The following POLR2F variants were observed in gnomAD, a reference collection of about 807,000 sequenced individuals.
POLR2F encodes the protein DNA-directed RNA polymerases I, II, and III subunit RPABC2.
Under a neutral mutation model 22.7 loss-of-function variants are expected in POLR2F, and 12 were observed. The ratio of observed to expected loss-of-function variants is 0.53; its 90% CI spans 0.34 to 0.86. The LOEUF (loss-of-function observed/expected upper bound fraction) is 0.86. POLR2F is among the 40% of genes least tolerant of loss of function. The probability of loss-of-function intolerance (pLI) is 0.02; values close to 1 mark genes in which losing one functional copy is unlikely to be tolerated. For synonymous variants in POLR2F, 57 were observed against 66.0 expected (o/e 0.86, Z 0.66); for missense variants, 126 against 171.5 (o/e 0.73, Z 1.48).
At chr22:37,972,234 T>C (rs1932081529), downstream of POLR2F, 1 of 1,301,054 alleles carries the variant, frequency 7.7e-7, no homozygotes, top group Admixed American at 2.3e-5. Context: ...TCCTAGCTAC[T>C]TCCAGAAAGC....
At chr22:37,977,005 TA>T (rs973563932) in intron 4 of POLR2F, among the ~76,000 whole-genome samples, 2 of 151,660 alleles carry the variant, frequency 1.3e-5, no homozygotes, top group Admixed American at 6.6e-5. Context: ...CTGTCTCTGC[TA>T]AAATACACAA....
downstream of POLR2F, among the ~76,000 whole-genome samples, chr22:37,971,450 T>C (rs1243151715): frequency 6.6e-6 from 1 of 152,194 alleles, no homozygotes; most frequent in Non-Finnish European, 1.5e-5. Context: ...TGTTCATCAG[T>C]GGAGCAAGAT....
At chr22:38,037,661 C>T (rs2085129782) in intron 5 of POLR2F, among the ~76,000 whole-genome samples, 1 of 151,076 alleles carries the variant, frequency 6.6e-6, no homozygotes, top group Non-Finnish European at 1.5e-5. Flanking sequence ...GGCACCATCT[C>T]AGCTCACTGC....
chr22:37,960,546 C>T (rs1251242382), intron 3 of POLR2F, among the ~76,000 whole-genome samples: 2 of 152,092 alleles, frequency 1.3e-5, no homozygotes, highest in East Asian at 1.9e-4. Context: ...TACAGGCGCC[C>T]GCCACCGTGC....
intron 1 of POLR2F, among the ~76,000 whole-genome samples, chr22:38,025,391 A>G (rs1339293747): frequency 6.6e-6 from 1 of 152,078 alleles, no homozygotes; most frequent in Non-Finnish European, 1.5e-5. Flanking sequence ...CACAATCACA[A>G]TACACATGCA....
downstream of POLR2F, chr22:37,973,572 G>A (rs767871191): frequency 1.2e-6 from 2 of 1,612,808 alleles, no homozygotes; most frequent in East Asian, 4.5e-5. Context: ...GAGGGGCTGG[G>A]GTCAGAGATG....
intron 5 of POLR2F, among the ~76,000 whole-genome samples, chr22:38,038,793 C>G (rs1275764093): frequency 2.0e-5 from 3 of 151,798 alleles, no homozygotes; most frequent in South Asian, 2.1e-4. Context: ...CTCCTCCCCC[C>G]GCCGGCGCCC....
intron 1 of POLR2F, among the ~76,000 whole-genome samples, chr22:38,022,843 T>C (rs2084972514): frequency 6.6e-6 from 1 of 151,802 alleles, no homozygotes; most frequent in African/African-American, 2.4e-5. Context: ...CGAAACCCTG[T>C]CTCTACTAAA....
chr22:37,994,135 C>T (rs377354847), intron 1 of POLR2F, among the ~76,000 whole-genome samples: 3 of 152,278 alleles, frequency 2.0e-5, no homozygotes, highest in African/African-American at 7.2e-5. Context: ...TAATCAAGCC[C>T]GGGAAAACCT....
At chr22:37,995,069 A>T (rs2145792629) in intron 1 of POLR2F, among the ~76,000 whole-genome samples, 1 of 152,116 alleles carries the variant, frequency 6.6e-6, no homozygotes, top group East Asian at 1.9e-4. Flanking sequence ...GCTGCTTCCG[A>T]CTCTGCCAAG....
At chr22:38,041,096 G>A (rs557222469) in exon 6 of POLR2F, 53 of 1,612,870 alleles carry the variant, frequency 3.3e-5, no homozygotes, top group Middle Eastern at 1.7e-4. Context: ...GGAGTGACTC[G>A]CCTGAAGCCC....
chr22:38,032,365 G>C (rs561652485), intron 5 of POLR2F: 1 of 152,470 alleles, frequency 6.6e-6, no homozygotes, highest in African/African-American at 2.4e-5. Flanking sequence ...CATCTTCCCA[G>C]GAGAGCTCTG....
At chr22:38,025,897 C>T (rs2085004523) in exon 2 of POLR2F, 1 of 801,388 alleles carries the variant, frequency 1.2e-6, no homozygotes, top group Non-Finnish European at 2.2e-6. Context: ...TCCCTCCTGT[C>T]TTCTACATGG....
chr22:38,022,983 C>A (rs1350065450), intron 1 of POLR2F, among the ~76,000 whole-genome samples: 1 of 152,212 alleles, frequency 6.6e-6, no homozygotes, highest in Non-Finnish European at 1.5e-5. Flanking sequence ...TGCACTCCAG[C>A]CTGGGCGACA....
intron 3 of POLR2F, among the ~76,000 whole-genome samples, chr22:37,965,562 A>G (rs3026638): frequency 1.9e-3 from 294 of 152,380 alleles, no homozygotes; most frequent in African/African-American, 6.8e-3. Flanking sequence ...CATGCAGATC[A>G]GGTATTTTGC....
At chr22:37,977,967 C>T (rs1932274055) in intron 4 of POLR2F, 2 of 1,611,996 alleles carry the variant, frequency 1.2e-6, no homozygotes, top group Non-Finnish European at 1.7e-6. Context: ...TGGCGGCGGT[C>T]CCACCTTGCT....
rs531898888 is a variant in POLR2F at position 38,017,037 on chromosome 22, A to G, written c.121-8832A>G. On this transcript the variant is annotated intron_variant, in intron 1 of 2. Transcript: ENST00000333418. This position sits in a 1 kb window ranked among gnomAD's most constrained non-coding sequence, Gnocchi z 4.1. Reference sequence around the variant, plus strand: ...ACCCCAGCCTCTGCTGCCTGGCACCAGGTCCCCCCACCACTCTCCAGCCCT... The same window carrying G: ...ACCCCAGCCTCTGCTGCCTGGCACCGGGTCCCCCCACCACTCTCCAGCCCT... 1.6e-4 allele frequency among the ~76,000 whole-genome samples: 25 copies of G among 152,220 alleles called. No homozygotes were observed. Among genetic ancestry groups the G allele is most frequent in the African/African-American group, 6.0e-4 (25 of 41,550 alleles).
upstream of POLR2F, chr22:37,984,109 G>A (rs1932496932): frequency 4.8e-6 from 1 of 209,602 alleles, no homozygotes; most frequent in East Asian, 1.1e-4. The surrounding 1 kb of genome is among the most constrained non-coding windows in gnomAD (Gnocchi z 4.4). Context: ...CCTTTTTTGG[G>A]TGGAGGTTTG....
intron 3 of POLR2F, among the ~76,000 whole-genome samples, chr22:37,959,909 T>G (rs931068007): frequency 2.0e-5 from 3 of 151,734 alleles, no homozygotes; most frequent in African/African-American, 7.3e-5. Context: ...GTTCAAGTGA[T>G]TCTCGTGCCT....
Sources: allele counts gnomAD v4.1 joint callset (sites outside exome capture counted in the v4.1 genomes callset), GRCh38; gene constraint gnomAD v4.1.1; non-coding constraint Gnocchi (gnomAD v3.1); transcripts MANE v1.5; gene names NCBI Gene and HGNC (gene_info 2026-07-23, HGNC 2026-07-21).